ARHGAP24: variants seen among roughly 807,000 people sequenced by gnomAD.
ARHGAP24 encodes rho GTPase-activating protein 24.
ARHGAP24 carries 50 observed loss-of-function variants against 76.4 expected under a neutral mutation model. The observed-to-expected ratio is 0.65, with a 90% CI of 0.52 to 0.83. The LOEUF (loss-of-function observed/expected upper bound fraction) is 0.83. Among genes scored for constraint, ARHGAP24 ranks in the 40% least tolerant of loss-of-function variants. The pLI is 0.00. For missense variants in ARHGAP24, 930 were observed against 914.2 expected (o/e 1.02, Z -0.22); for synonymous variants, 345 against 323.3 (o/e 1.07, Z -0.72).
intron 1 of ARHGAP24, among the ~76,000 whole-genome samples, chr4:85,502,282 G>A (rs923479088): frequency 5.3e-5 from 8 of 152,002 alleles, no homozygotes; most frequent in African/African-American, 1.2e-4. Flanking sequence ...AGCTTGATGG[G>A]GATGGCATTG....
At position 85,616,622 on chromosome 4, in the gene ARHGAP24, T is replaced by A. The variant is rs115033249; in HGVS notation, c.180+45901T>A. On this transcript the variant is annotated intron_variant, in intron 2 of 9. Coordinates refer to ENST00000395184, the MANE Select transcript of ARHGAP24 (RefSeq NM_001025616.3). Reference sequence around the variant, plus strand: ...AAAGTCTCTCTCCTTTGCCTGTTTGTATTTTGCTTCATTTTATTTTATTAA... The same window carrying A: ...AAAGTCTCTCTCCTTTGCCTGTTTGAATTTTGCTTCATTTTATTTTATTAA... Among the ~76,000 whole-genome samples the A allele has an allele frequency of 3.5e-3, 531 of 152,272 alleles. 4 individuals are homozygous for A. Among genetic ancestry groups the A allele is most frequent in the African/African-American group, 0.012 (496 of 41,560 alleles).
Position 86,001,884 on chromosome 4 carries a change from A to G in ARHGAP24, c.*1162A>G, listed in dbSNP as rs1278261658. Reference sequence around the variant, plus strand: ...TGCAGGAGAAGGAGAAAAGTTTAGAAGAAACAAACCATTTTGCTTCTAATT... The same window carrying G: ...TGCAGGAGAAGGAGAAAAGTTTAGAGGAAACAAACCATTTTGCTTCTAATT... On this transcript the variant is annotated 3_prime_UTR_variant, in exon 10 of 10. Transcript: ENST00000395184. The G allele has an allele frequency of 1.3e-5, 2 of 154,910 alleles. No homozygotes were observed. The highest frequency in any genetic ancestry group is 2.9e-5 in the Non-Finnish European group (2 of 69,926). 9.6% of individuals were successfully genotyped at this position (154,910 alleles called of 1,614,324 possible).
chr4:85,577,933 G>A (rs941320934), intron 2 of ARHGAP24, among the ~76,000 whole-genome samples: 1 of 152,188 alleles, frequency 6.6e-6, no homozygotes, highest in Non-Finnish European at 1.5e-5. Context: ...AGGACAAGAA[G>A]AGAGAGAGAT....
At chr4:85,539,914 G>T (rs367883178) in intron 1 of ARHGAP24, among the ~76,000 whole-genome samples, 2 of 152,004 alleles carry the variant, frequency 1.3e-5, no homozygotes, top group Non-Finnish European at 2.9e-5. Context: ...GTGTGGTGGC[G>T]GGTTCCTGTA....
At chr4:85,974,763 G>A (rs1388951988) in intron 6 of ARHGAP24, 125 bp from the exon 7 acceptor site, 10 of 803,734 alleles carry the variant, frequency 1.2e-5, no homozygotes, top group Non-Finnish European at 2.0e-5. Context: ...AAGTTTTCGG[G>A]ACAAGATCTT....
intron 2 of ARHGAP24, among the ~76,000 whole-genome samples, chr4:85,589,362 A>T (rs990312932): frequency 6.6e-6 from 1 of 152,198 alleles, no homozygotes; most frequent in African/African-American, 2.4e-5. Context: ...TATTTTATTC[A>T]TATGTCATTC....
At chr4:85,516,029 A>C (rs888332301) in intron 1 of ARHGAP24, among the ~76,000 whole-genome samples, 6 of 152,188 alleles carry the variant, frequency 3.9e-5, no homozygotes, top group African/African-American at 1.4e-4. Flanking sequence ...TGAGAAAAAA[A>C]AAATTCCCAG....
chr4:85,616,072 T>TA (rs1326357069), intron 2 of ARHGAP24, among the ~76,000 whole-genome samples: 4 of 152,054 alleles, frequency 2.6e-5, no homozygotes, highest in African/African-American at 9.7e-5. Context: ...CTGGAGAACT[T>TA]AGAGTTTTAA....
chr4:85,507,576 C>T (rs546636030), intron 1 of ARHGAP24, among the ~76,000 whole-genome samples: 9 of 152,210 alleles, frequency 5.9e-5, no homozygotes, highest in South Asian at 2.1e-4. Flanking sequence ...GAAATGGTGA[C>T]GAGCATGAGT....
At chr4:85,749,079 C>T (rs987949335) in intron 3 of ARHGAP24, among the ~76,000 whole-genome samples, 1 of 152,122 alleles carries the variant, frequency 6.6e-6, no homozygotes, top group Non-Finnish European at 1.5e-5. Context: ...GACTCCAGCC[C>T]AACATGAAAT....
At chr4:85,727,410 A>G (rs1056384903) in intron 3 of ARHGAP24, among the ~76,000 whole-genome samples, 10 of 152,148 alleles carry the variant, frequency 6.6e-5, no homozygotes, top group Non-Finnish European at 1.5e-5. Flanking sequence ...TAATACAAAT[A>G]GGCACTAGAT....
intron 2 of ARHGAP24, among the ~76,000 whole-genome samples, chr4:85,674,097 G>A (rs941124169): frequency 6.6e-6 from 1 of 152,114 alleles, no homozygotes; most frequent in African/African-American, 2.4e-5. Context: ...ACTGGTCCAC[G>A]CAGTGGTTCT....
rs1031172501 is a variant in ARHGAP24 at position 85,584,908 on chromosome 4, A to C, written c.180+14187A>C. On this transcript the variant is annotated intron_variant, in intron 2 of 9. Coordinates refer to ENST00000395184, the MANE Select transcript of ARHGAP24 (RefSeq NM_001025616.3). ...CTAGTAATTATGTTAATAACTCTTA[A>C]GTTTTGCTTAGAGGTCCTAGGAGAA... Among the ~76,000 whole-genome samples, 6 of 152,190 alleles carry C rather than the reference A, an allele frequency of 3.9e-5. No individual in the cohort carries two copies. In the East Asian group the frequency reaches 1.2e-3, roughly 29 times the overall value.
At chr4:85,880,329 A>G (rs1210251041) in intron 3 of ARHGAP24, among the ~76,000 whole-genome samples, 3 of 152,124 alleles carry the variant, frequency 2.0e-5, no homozygotes, top group African/African-American at 7.2e-5. Flanking sequence ...TTAGGCTACT[A>G]TTGACCTTCT....
At chr4:85,925,856 G>A (rs565339704) in intron 4 of ARHGAP24, among the ~76,000 whole-genome samples, 1 of 152,112 alleles carries the variant, frequency 6.6e-6, no homozygotes, top group Admixed American at 6.5e-5. Context: ...TGGGGAGCCT[G>A]AGGATGAATC....
chr4:85,656,303 GA>G (rs909160321), intron 2 of ARHGAP24, among the ~76,000 whole-genome samples: 2 of 152,156 alleles, frequency 1.3e-5, no homozygotes, highest in African/African-American at 4.8e-5. Flanking sequence ...GACATTTTAT[GA>G]AAGTGAGATT....
intron 3 of ARHGAP24, among the ~76,000 whole-genome samples, chr4:85,758,726 G>A (rs1435761108): frequency 6.6e-6 from 1 of 152,160 alleles, no homozygotes; most frequent in East Asian, 1.9e-4. Flanking sequence ...AGGTGGCAAG[G>A]ACAAGATGAA....
intron 3 of ARHGAP24, among the ~76,000 whole-genome samples, chr4:85,795,705 G>C (rs1728314285): frequency 6.6e-6 from 1 of 151,608 alleles, no homozygotes; most frequent in South Asian, 2.1e-4. Flanking sequence ...TCCTCAAATA[G>C]GGGAGATATT....
At chr4:85,552,028 A>G (rs964271540) in intron 1 of ARHGAP24, among the ~76,000 whole-genome samples, 2 of 151,996 alleles carry the variant, frequency 1.3e-5, no homozygotes, top group African/African-American at 2.4e-5. Flanking sequence ...CCTTAAGTTC[A>G]GCTCTGATTT....
Sources: gnomAD v4.1 joint callset for allele counts (sites outside exome capture counted in the v4.1 genomes callset) on GRCh38, gnomAD v4.1.1 for gene constraint, MANE v1.5 for transcripts, NCBI Gene and HGNC (gene_info 2026-07-23, HGNC 2026-07-21) for gene names.